Variants in LAMA4 observed in about 807,000 individuals in gnomAD.
LAMA4 encodes laminin subunit alpha 4.
LAMA4 carries 127 observed loss-of-function variants against 207.1 expected under a neutral mutation model. The ratio of observed to expected loss-of-function variants is 0.61; its 90% CI spans 0.53 to 0.71. The LOEUF is 0.71. LAMA4 is among the 30% of genes least tolerant of loss of function. LAMA4 has a pLI of 0.00. For synonymous variants in LAMA4, 761 were observed against 816.0 expected, an observed-to-expected ratio of 0.93 and a Z score of 1.15; for missense variants, 2,093 against 2,246.5, an observed-to-expected ratio of 0.93 and a Z score of 1.38.
At chr6:112,190,947 C>CTTTTCTTT (rs1491586717) in intron 6 of LAMA4, among the ~76,000 whole-genome samples, 4 of 40,472 alleles carry the variant, frequency 9.9e-5, no homozygotes, top group Admixed American at 2.8e-4. Context: ...TTCTTTCTTT[C>CTTTTCTTT]CTTTCTTTCT....
chr6:112,145,290 A>G (rs1554334289), intron 18 of LAMA4, among the ~76,000 whole-genome samples: 1 of 152,228 alleles, frequency 6.6e-6, no homozygotes, highest in Non-Finnish European at 1.5e-5. Flanking sequence ...CCAGAGAAAG[A>G]GAGAATGCCA....
intron 10 of LAMA4, among the ~76,000 whole-genome samples, chr6:112,176,612 T>C (rs1782038852): frequency 6.6e-6 from 1 of 152,206 alleles, no homozygotes; most frequent in South Asian, 2.1e-4. Context: ...AAGTCTAAAA[T>C]ATTAACCTGC....
chr6:112,244,621 G>T (rs1584004270), intron 2 of LAMA4, among the ~76,000 whole-genome samples: 1 of 152,154 alleles, frequency 6.6e-6, no homozygotes, highest in East Asian at 1.9e-4. Context: ...CTCCCAGGCT[G>T]AACTCCAATT....
In LAMA4 at chr6:112,109,524, G is replaced by A; in HGVS notation, c.5385C>T (p.His1795=). Residue 1795 remains histidine, a synonymous_variant, in exon 39 of 39, where the codon CAC becomes CAT. Coordinates refer to ENST00000230538, the MANE Select transcript of LAMA4 (RefSeq NM_001105206.3). ...TCACTGGGTGTCCATCAATCACAAA[G>A]TGGCGTATGCAGCCTGTGAAGGGTT... is the stretch of plus-strand genomic sequence containing the variant. ...PSKPFTGCIR[H]FVIDGHPVSF... 1 of 1,614,168 alleles carries A rather than the reference G, an allele frequency of 6.2e-7. No homozygotes were observed. Among genetic ancestry groups the A allele is most frequent in the Non-Finnish European group, 8.5e-7 (1 of 1,180,006 alleles).
chr6:112,195,383 A>C (rs3777928), intron 5 of LAMA4, among the ~76,000 whole-genome samples: 91,228 of 152,102 alleles, frequency 0.6, 29,135 homozygotes, highest in African/African-American at 0.83. Flanking sequence ...CTAGAGAGTA[A>C]GGAATCATAA....
At chr6:112,178,090 A>T in intron 10 of LAMA4, 31 bp downstream of exon 10, 1 of 1,454,030 alleles carries the variant, frequency 6.9e-7, no homozygotes, top group Non-Finnish European at 9.7e-7. Context: ...TTTCCTTGAT[A>T]TTAAACTGAA....
Position 112,187,516 on chromosome 6 carries a change from G to T in LAMA4, c.900C>A (p.Ser300Arg). 1.2e-5 allele frequency: 20 copies of T among 1,614,094 alleles called. No homozygotes were observed. Among genetic ancestry groups the T allele is most frequent in the Non-Finnish European group, 1.7e-5 (20 of 1,179,992 alleles). ...SIEEGKSGVL[S>R]VSSGAAAHRH... is the part of the protein sequence containing the mutation. ...TATGAGCGGCGGCCCCAGAGGATACGCTCAGCACCCCGGATTTGCCTTCCT... is the reference window on the plus strand; with the variant it reads ...TATGAGCGGCGGCCCCAGAGGATACTCTCAGCACCCCGGATTTGCCTTCCT... Residue 300 changes from serine (S) to arginine (R), a missense_variant, in exon 8 of 39, where the codon AGC (serine) becomes AGA (arginine). Around this residue, in one of 3 missense-constraint regions of LAMA4, gnomAD observed 1,704 missense variants for 1,788.4 expected, o/e 0.95. Transcript: ENST00000230538.
rs116086781 is a variant in LAMA4 at position 112,237,204 on chromosome 6, A to G, written c.195+16752T>C. Among the ~76,000 whole-genome samples, 679 of 152,302 alleles carry G rather than the reference A, an allele frequency of 4.5e-3. 5 individuals carry two copies. The highest frequency in any genetic ancestry group is 0.015 in the African/African-American group (642 of 41,570). On this transcript the variant is annotated intron_variant, in intron 2 of 38. Transcript: ENST00000230538. ...AACAGGAAGCATAAAAATATCTCTCAGGAGAGCACCAATTGTTTAAAGATT... is the reference window on the plus strand; with the variant it reads ...AACAGGAAGCATAAAAATATCTCTCGGGAGAGCACCAATTGTTTAAAGATT...
At chr6:112,253,889 A>C in intron 2 of LAMA4, 67 bp downstream of exon 2, 1 of 1,614,064 alleles carries the variant, frequency 6.2e-7, no homozygotes, top group Admixed American at 1.7e-5. Context: ...AGAGAGAAGG[A>C]CGAGTGTGGC....
chr6:112,166,040 G>A (rs782066559), intron 12 of LAMA4, among the ~76,000 whole-genome samples: 1 of 152,182 alleles, frequency 6.6e-6, no homozygotes, highest in Non-Finnish European at 1.5e-5. Flanking sequence ...AGTGAAAAAT[G>A]AGTTGAAGTT....
intron 31 of LAMA4, among the ~76,000 whole-genome samples, chr6:112,126,293 T>C (rs1372931513): frequency 6.6e-6 from 1 of 152,194 alleles, no homozygotes; most frequent in Non-Finnish European, 1.5e-5. Context: ...CCTATGAACC[T>C]CTGACCAGTG....
intron 38 of LAMA4, among the ~76,000 whole-genome samples, chr6:112,113,482 T>G (rs1455905101): frequency 6.6e-6 from 1 of 152,242 alleles, no homozygotes; most frequent in Non-Finnish European, 1.5e-5. Flanking sequence ...AATTGGGGTG[T>G]TTGTGTGTTG....
At chr6:112,209,820 A>G (rs778318066) in intron 3 of LAMA4, among the ~76,000 whole-genome samples, 2 of 152,212 alleles carry the variant, frequency 1.3e-5, no homozygotes, top group Admixed American at 6.5e-5. Flanking sequence ...TGTGAGGTGA[A>G]TGGTTTGGCT....
Position 112,114,726 on chromosome 6 carries a change from C to G in LAMA4, c.5143G>C (p.Asp1715His). 1.2e-6 allele frequency: 2 copies of G among 1,612,548 alleles called. No homozygotes were observed. Among genetic ancestry groups the G allele is most frequent in the Non-Finnish European group, 1.7e-6 (2 of 1,178,734 alleles). ...TTGGGTGTAACTGAGGTGGAAAAATCTCTGATGCCATTATTGACTTTCACT... is the reference window on the plus strand; with the variant it reads ...TTGGGTGTAACTGAGGTGGAAAAATGTCTGATGCCATTATTGACTTTCACT... ...VIVKVNNGIR[D>H]FSTSVTPKQS... is the part of the protein sequence containing the mutation. The change falls in exon 37 of 39, where the codon GAT becomes CAT. Residue 1715 changes from aspartate (D) to histidine (H), a missense_variant. Transcript: ENST00000230538.
At chr6:112,231,976 C>T (rs139219551) in intron 2 of LAMA4, among the ~76,000 whole-genome samples, 25 of 152,210 alleles carry the variant, frequency 1.6e-4, no homozygotes, top group African/African-American at 4.8e-4. Flanking sequence ...TAATGAAATT[C>T]GACTCCAAGT....
At chr6:112,252,246 G>T (rs1041919429) in intron 2 of LAMA4, among the ~76,000 whole-genome samples, 2 of 152,186 alleles carry the variant, frequency 1.3e-5, no homozygotes, top group East Asian at 1.9e-4. Context: ...CTTGACCAAG[G>T]TCAAAGAGCT....
intron 10 of LAMA4, among the ~76,000 whole-genome samples, chr6:112,176,666 T>A (rs188720992): frequency 6.6e-6 from 1 of 152,364 alleles, no homozygotes; most frequent in East Asian, 1.9e-4. Flanking sequence ...CTCTAGCACT[T>A]GTGATGCTGA....
intron 22 of LAMA4, 60 bp from the exon 23 acceptor site, chr6:112,139,945 A>G: frequency 6.5e-7 from 1 of 1,546,394 alleles, no homozygotes; most frequent in Non-Finnish European, 8.9e-7. Context: ...CAGACATCAC[A>G]GAACAGACAA....
rs1778148194 is a variant in LAMA4, at chr6:112,118,379, G to C, written c.4822-481C>G. Among the ~76,000 whole-genome samples the C allele has an allele frequency of 6.6e-6, 1 of 152,140 alleles. No homozygotes were observed. The highest frequency in any genetic ancestry group is 6.6e-5 in the Admixed American group (1 of 15,256). ...AGGACATGAAACTTGGGCCACTTAAGATAACTGATTTTGTCCTGCATTTGG... is the reference window on the plus strand; with the variant it reads ...AGGACATGAAACTTGGGCCACTTAACATAACTGATTTTGTCCTGCATTTGG... On this transcript the variant is annotated intron_variant, in intron 34 of 38. Coordinates refer to ENST00000230538, the MANE Select transcript of LAMA4 (RefSeq NM_001105206.3). This position sits in a 1 kb window ranked among gnomAD's most constrained non-coding sequence, Gnocchi z 4.6.
Sources: gnomAD v4.1 joint callset for allele counts (sites outside exome capture counted in the v4.1 genomes callset) on GRCh38, gnomAD v4.1.1 for gene constraint, gnomAD v4.1.1 regional missense constraint, Gnocchi (gnomAD v3.1) non-coding constraint, MANE v1.5 for transcripts, NCBI Gene and HGNC (gene_info 2026-07-23, HGNC 2026-07-21) for gene names.